The following PACRG variants were observed in gnomAD, a reference collection of about 807,000 sequenced individuals.
PACRG encodes the protein parkin coregulated gene protein.
Under a neutral mutation model 29.7 loss-of-function variants are expected in PACRG, and 29 were observed. The observed-to-expected ratio is 0.98, with a 90% CI of 0.73 to 1.33. PACRG has a LOEUF of 1.33. Ranked by LOEUF, PACRG falls within the 40% of genes most tolerant of loss-of-function variation. The pLI is 0.00. For missense variants in PACRG, 279 were observed against 316.2 expected, an observed-to-expected ratio of 0.88 and a Z score of 0.89; for synonymous variants, 116 against 118.7, an observed-to-expected ratio of 0.98 and a Z score of 0.15.
chr6:163,102,562 A>ATT (rs35755382), intron 4 of PACRG, among the ~76,000 whole-genome samples: 1 of 151,980 alleles, frequency 6.6e-6, no homozygotes, highest in Admixed American at 6.6e-5. Flanking sequence ...TTCTAAGAGT[A>ATT]TTTTTTTTCC....
intron 2 of PACRG, among the ~76,000 whole-genome samples, chr6:162,842,210 A>G (rs1789849697): frequency 6.8e-6 from 1 of 147,522 alleles, no homozygotes; most frequent in Admixed American, 6.8e-5. Flanking sequence ...AAAGTCTCCC[A>G]TTATTAATGT....
At chr6:163,063,703 T>C (rs1179598334) in intron 3 of PACRG, among the ~76,000 whole-genome samples, 1 of 152,116 alleles carries the variant, frequency 6.6e-6, no homozygotes, top group Non-Finnish European at 1.5e-5. Flanking sequence ...CCACACCACA[T>C]TTCCACCATG....
At chr6:162,993,204 G>A (rs1443170766) in intron 2 of PACRG, among the ~76,000 whole-genome samples, 2 of 150,942 alleles carry the variant, frequency 1.3e-5, no homozygotes, top group African/African-American at 2.4e-5. Flanking sequence ...GTGCTGAAAA[G>A]AATGTATATT....
At chr6:163,182,316 G>A (rs1363195775) in intron 4 of PACRG, among the ~76,000 whole-genome samples, 2 of 152,206 alleles carry the variant, frequency 1.3e-5, no homozygotes. Context: ...CAATTTCGAG[G>A]CTTTCCTTAA....
At chr6:162,947,583 C>CATATATATACTCATAT (rs746673462) in intron 2 of PACRG, among the ~76,000 whole-genome samples, 2 of 42,052 alleles carry the variant, frequency 4.8e-5, no homozygotes, top group Admixed American at 8.2e-4. Flanking sequence ...CATATATAAT[C>CATATATATACTCATAT]ATATATATAA....
chr6:162,932,367 G>A (rs1797916107), intron 2 of PACRG, among the ~76,000 whole-genome samples: 1 of 151,836 alleles, frequency 6.6e-6, no homozygotes, highest in Non-Finnish European at 1.5e-5. Flanking sequence ...TTATCAAATT[G>A]TATACTTTAA....
chr6:163,209,112 A>G (rs1190084015), intron 4 of PACRG, among the ~76,000 whole-genome samples: 1 of 152,210 alleles, frequency 6.6e-6, no homozygotes, highest in Non-Finnish European at 1.5e-5. Flanking sequence ...TTTTTCTGAC[A>G]CCTTTCCCAG....
At chr6:162,928,642 AT>A (rs1797624011) in intron 2 of PACRG, among the ~76,000 whole-genome samples, 1 of 151,874 alleles carries the variant, frequency 6.6e-6, no homozygotes, top group Non-Finnish European at 1.5e-5. Context: ...CTTCTTAGCT[AT>A]TTTGAAATAT....
chr6:163,150,810 T>C (rs1275602188), intron 4 of PACRG, among the ~76,000 whole-genome samples: 1 of 152,174 alleles, frequency 6.6e-6, no homozygotes, highest in Non-Finnish European at 1.5e-5. Flanking sequence ...GAGCAGTAGG[T>C]GGCAAAGAAA....
At chr6:163,157,861 T>C (rs1054911673) in intron 4 of PACRG, among the ~76,000 whole-genome samples, 3 of 152,220 alleles carry the variant, frequency 2.0e-5, no homozygotes, top group Non-Finnish European at 2.9e-5. Flanking sequence ...ATGAAAGTTG[T>C]CATTAGACCA....
At chr6:162,994,449 T>G (rs1446317602) in intron 2 of PACRG, among the ~76,000 whole-genome samples, 1 of 148,988 alleles carries the variant, frequency 6.7e-6, no homozygotes, top group African/African-American at 2.5e-5. Flanking sequence ...TTCTTTTTAT[T>G]CTTTTTTCTC....
chr6:162,866,784 A>G (rs1792335314), intron 2 of PACRG, among the ~76,000 whole-genome samples: 1 of 152,222 alleles, frequency 6.6e-6, no homozygotes, highest in Non-Finnish European at 1.5e-5. Flanking sequence ...TATCAGAGTA[A>G]TCATGCTAAG....
At chr6:162,995,389 C>G (rs1330046332) in intron 2 of PACRG, among the ~76,000 whole-genome samples, 36 of 151,992 alleles carry the variant, frequency 2.4e-4, no homozygotes, top group African/African-American at 7.7e-4. Flanking sequence ...TAGCAATCAG[C>G]GAGATTCCAT....
intron 2 of PACRG, among the ~76,000 whole-genome samples, chr6:163,019,594 G>A (rs759428303): frequency 1.3e-5 from 2 of 152,100 alleles, no homozygotes; most frequent in Non-Finnish European, 2.9e-5. Context: ...TGTTGGTGAC[G>A]TTCCCATTCT....
At chr6:163,172,930 A>G (rs1391700103) in intron 4 of PACRG, among the ~76,000 whole-genome samples, 4 of 152,278 alleles carry the variant, frequency 2.6e-5, no homozygotes. Context: ...ATGTCTACCA[A>G]TATGAAAATG....
intron 4 of PACRG, among the ~76,000 whole-genome samples, chr6:163,217,937 T>C (rs1781427561): frequency 6.6e-6 from 1 of 152,142 alleles, no homozygotes; most frequent in Non-Finnish European, 1.5e-5. Flanking sequence ...GTAATGATTA[T>C]AGAAATAAAG....
chr6:162,916,556 C>CT (rs1562730329), intron 2 of PACRG, among the ~76,000 whole-genome samples: 1 of 152,132 alleles, frequency 6.6e-6, no homozygotes, highest in East Asian at 1.9e-4. Context: ...GTTCTGTTTC[C>CT]TTTTTTTCCT....
At chr6:163,116,000 C>T (rs1457059997) in intron 4 of PACRG, among the ~76,000 whole-genome samples, 1 of 152,202 alleles carries the variant, frequency 6.6e-6, no homozygotes, top group East Asian at 1.9e-4. Context: ...TCCCTGCTTG[C>T]CCTCCCAAGC....
intron 4 of PACRG, among the ~76,000 whole-genome samples, chr6:163,154,642 G>C (rs925277940): frequency 6.6e-6 from 1 of 152,106 alleles, no homozygotes. Context: ...AAAAATACAG[G>C]ATACCCAGTT....
Sources: gnomAD v4.1 joint callset for allele counts (sites outside exome capture counted in the v4.1 genomes callset) on GRCh38, gnomAD v4.1.1 for gene constraint, MANE v1.5 for transcripts, NCBI Gene and HGNC (gene_info 2026-07-23, HGNC 2026-07-21) for gene names.